Variants in ACBD6 observed in about 807,000 individuals in gnomAD.
ACBD6 encodes acyl-CoA binding domain containing 6.
ACBD6 carries 28 observed loss-of-function variants against 37.2 expected under a neutral mutation model. The observed-to-expected ratio is 0.75, with a 90% CI of 0.56 to 1.03. The LOEUF is 1.03. Among genes scored for constraint, ACBD6 ranks in the 50% least tolerant of loss-of-function variants. The probability of loss-of-function intolerance (pLI) is 0.00; values close to 1 mark genes in which losing one functional copy is unlikely to be tolerated. For synonymous variants in ACBD6, 113 were observed against 126.8 expected, an observed-to-expected ratio of 0.89 and a Z score of 0.73; for missense variants, 340 against 337.4, an observed-to-expected ratio of 1.01 and a Z score of -0.06.
chr1:180,468,277 G>A (rs1251085738), intron 3 of ACBD6, among the ~76,000 whole-genome samples: 2 of 152,216 alleles, frequency 1.3e-5, no homozygotes, highest in Non-Finnish European at 2.9e-5. Context: ...TGAGGATAGA[G>A]ATTCTGCCAC....
chr1:180,336,914 G>T (rs1253882738), intron 6 of ACBD6, among the ~76,000 whole-genome samples: 1 of 152,106 alleles, frequency 6.6e-6, no homozygotes, highest in Non-Finnish European at 1.5e-5. Flanking sequence ...AGAAGAAATG[G>T]ATAAATTCCT....
At chr1:180,333,163 A>G (rs1158493716) in intron 6 of ACBD6, among the ~76,000 whole-genome samples, 1 of 152,224 alleles carries the variant, frequency 6.6e-6, no homozygotes, top group Non-Finnish European at 1.5e-5. Flanking sequence ...ACATAAAAAC[A>G]TGTTACATGT....
intron 3 of ACBD6, among the ~76,000 whole-genome samples, chr1:180,430,786 C>G (rs1648782711): frequency 6.6e-6 from 1 of 151,128 alleles, no homozygotes; most frequent in African/African-American, 2.4e-5. Context: ...AAAAAAGAAG[C>G]AAACTGCACA....
At chr1:180,394,391 G>GTT (rs201149746) in intron 6 of ACBD6, among the ~76,000 whole-genome samples, 39 of 146,928 alleles carry the variant, frequency 2.7e-4, no homozygotes, top group Non-Finnish European at 3.2e-4. Context: ...CATCTGGCCA[G>GTT]TTTTTTTTTT....
chr1:180,308,264 C>A (rs1204127052), intron 7 of ACBD6, among the ~76,000 whole-genome samples: 2 of 151,944 alleles, frequency 1.3e-5, no homozygotes, highest in South Asian at 2.1e-4. Context: ...TAATTTTTAT[C>A]CAAGTTTTAC....
At chr1:180,368,750 G>C (rs1653146865) in intron 6 of ACBD6, among the ~76,000 whole-genome samples, 1 of 150,808 alleles carries the variant, frequency 6.6e-6, no homozygotes, top group South Asian at 2.1e-4. Context: ...ATTATAATTA[G>C]GCACAGTAAG....
At position 180,358,151 on chromosome 1, in the gene ACBD6, G is replaced by A. The variant is rs181320813; in HGVS notation, c.663+39365C>T. Among the ~76,000 whole-genome samples, 835 of 152,280 alleles carry A rather than the reference G, an allele frequency of 5.5e-3. 7 individuals carry two copies. Among genetic ancestry groups the A allele is most frequent in the African/African-American group, 0.019 (790 of 41,540 alleles). ...AATACAAAAACAGCACTTTAGGGCC[G>A]AGTGCGGTGGCTCACGCCTGTAATC... On this transcript the variant is annotated intron_variant, in intron 6 of 7. Coordinates refer to ENST00000367595, the MANE Select transcript of ACBD6 (RefSeq NM_032360.4).
In ACBD6 at chr1:180,408,076, T is replaced by C. The variant is rs568589356; in HGVS notation, c.573+5290A>G. Among the ~76,000 whole-genome samples, 29 of 152,290 alleles carry C rather than the reference T, an allele frequency of 1.9e-4. 1 individual carries two copies. The South Asian group carries it at 6.0e-3, about 32-fold the overall frequency. ...ATAAAGAAATCAAGTAAGAGCATTA[T>C]CAGAATATATAAATGAGATGGTGTC... is the stretch of plus-strand genomic sequence containing the variant. On this transcript the variant is annotated intron_variant, in intron 5 of 7. Transcript: ENST00000367595.
intron 3 of ACBD6, among the ~76,000 whole-genome samples, chr1:180,488,945 T>C (rs1212555098): frequency 6.6e-6 from 1 of 152,158 alleles, no homozygotes; most frequent in Non-Finnish European, 1.5e-5. Context: ...GTTTTTGAAA[T>C]GCAGATTATA....
chr1:180,457,488 TAACC>T lies in ACBD6; in HGVS notation c.385-27230_385-27227del, dbSNP rs960499692. Among the ~76,000 whole-genome samples, 3 of 45,866 alleles carry T rather than the reference TAACC, an allele frequency of 6.5e-5. No individual in the cohort carries two copies. The Admixed American group carries it at 7.1e-4, about 11-fold the overall frequency. 30.1% of individuals were successfully genotyped at this position (45,866 alleles called of 152,430 possible). ...CTCATCTTGTCTCAGTAGGGATCACTAACCTACAAGACTAGGAAAAAATTAGATC... is the reference window on the plus strand; with the variant it reads ...CTCATCTTGTCTCAGTAGGGATCACTTACAAGACTAGGAAAAAATTAGATC... On this transcript the variant is annotated intron_variant, in intron 3 of 7. Transcript: ENST00000367595.
At chr1:180,347,175 C>G (rs149366406) in intron 6 of ACBD6, among the ~76,000 whole-genome samples, 1 of 152,064 alleles carries the variant, frequency 6.6e-6, no homozygotes, top group Admixed American at 6.5e-5. Context: ...GAAAGATATA[C>G]ATAAAGAGCC....
chr1:180,473,016 T>C (rs1055402080), intron 3 of ACBD6, among the ~76,000 whole-genome samples: 4 of 152,062 alleles, frequency 2.6e-5, no homozygotes, highest in African/African-American at 9.7e-5. Flanking sequence ...GAATAAAACA[T>C]ATACAAGTGA....
At chr1:180,383,457 C>A (rs1255808885) in intron 6 of ACBD6, among the ~76,000 whole-genome samples, 1 of 151,834 alleles carries the variant, frequency 6.6e-6, no homozygotes, top group African/African-American at 2.4e-5. Context: ...AAAAAAAATA[C>A]CTGGGAATAA....
At chr1:180,397,405 G>A in intron 6 of ACBD6, 111 bp downstream of exon 6, 1 of 938,844 alleles carries the variant, frequency 1.1e-6, no homozygotes, top group Non-Finnish European at 1.8e-6. Flanking sequence ...ATTGTGAAAT[G>A]TACTAAACGC....
At chr1:180,277,990 C>A (rs1649141252) in intron 9 of ACBD6, 1 of 152,144 alleles carries the variant, frequency 6.6e-6, no homozygotes, top group African/African-American at 2.4e-5. Flanking sequence ...AAAAGACATT[C>A]CTATCTCAGA....
chr1:180,411,994 T>C (rs919812898), intron 5 of ACBD6, among the ~76,000 whole-genome samples: 1 of 151,826 alleles, frequency 6.6e-6, no homozygotes, highest in African/African-American at 2.4e-5. Context: ...TTATGTGCAC[T>C]GGGAAACCAA....
rs140659947 is a variant in ACBD6 at position 180,380,958 on chromosome 1, T to C, written c.663+16558A>G. ...GGCTTTTAAAAATGACTCAACTATATACTGCCTACGAGAAACTCATCTCAC... is the reference window on the plus strand; with the variant it reads ...GGCTTTTAAAAATGACTCAACTATACACTGCCTACGAGAAACTCATCTCAC... On this transcript the variant is annotated intron_variant, in intron 6 of 7. Coordinates refer to ENST00000367595, the MANE Select transcript of ACBD6 (RefSeq NM_032360.4). Among the ~76,000 whole-genome samples the C allele has an allele frequency of 4.3e-3, 655 of 152,256 alleles. 9 individuals are homozygous for C. Among genetic ancestry groups the C allele is most frequent in the Middle Eastern group, 0.041 (12 of 294 alleles).
intron 6 of ACBD6, among the ~76,000 whole-genome samples, chr1:180,395,632 G>A (rs1344462411): frequency 6.6e-6 from 1 of 152,126 alleles, no homozygotes; most frequent in African/African-American, 2.4e-5. Context: ...GATGTCTATT[G>A]TCAAAAGCAC....
At chr1:180,393,822 G>C (rs1310782838) in intron 6 of ACBD6, among the ~76,000 whole-genome samples, 1 of 152,186 alleles carries the variant, frequency 6.6e-6, no homozygotes, top group African/African-American at 2.4e-5. Context: ...ACACACAATG[G>C]TCATGTGAAT....
Sources: gnomAD v4.1 joint callset for allele counts (sites outside exome capture counted in the v4.1 genomes callset) on GRCh38, gnomAD v4.1.1 for gene constraint, MANE v1.5 for transcripts, NCBI Gene and HGNC (gene_info 2026-07-23, HGNC 2026-07-21) for gene names.